INTS4: variants seen among roughly 807,000 people sequenced by gnomAD.
The protein encoded by INTS4 is MSTP093.
INTS4 carries 70 observed loss-of-function variants against 119.5 expected under a neutral mutation model. The observed-to-expected ratio is 0.59, with a 90% CI of 0.48 to 0.71. INTS4 has a LOEUF of 0.71. Ranked by LOEUF, INTS4 falls within the 30% of genes least tolerant of loss-of-function variation. The probability of loss-of-function intolerance (pLI) is 0.00; values close to 1 mark genes in which losing one functional copy is unlikely to be tolerated. For synonymous variants in INTS4, 316 were observed against 419.6 expected (o/e 0.75, Z 3.02); for missense variants, 867 against 1,173.2 (o/e 0.74, Z 3.81).
chr11:77,919,566 G>A lies in INTS4; in HGVS notation c.1765-588C>T, dbSNP rs180987519. Among the ~76,000 whole-genome samples, 624 of 152,312 alleles carry A rather than the reference G, an allele frequency of 4.1e-3. 2 individuals are homozygous for A. Among genetic ancestry groups the A allele is most frequent in the Non-Finnish European group, 7.4e-3 (500 of 68,024 alleles). ...CACCCAGAGTGCTGGGATTACAGGC[G>A]TGAGCCACTGCACCCGGCCACATTT... On this transcript the variant is annotated intron_variant, in intron 14 of 22. Transcript: ENST00000534064.
chr11:77,956,298 C>A (rs184823766), intron 7 of INTS4, among the ~76,000 whole-genome samples: 3 of 152,256 alleles, frequency 2.0e-5, no homozygotes, highest in Admixed American at 2.0e-4. Flanking sequence ...ATAGTCCCAG[C>A]TACTTGGGAG....
intron 22 of INTS4, among the ~76,000 whole-genome samples, chr11:77,880,940 CAAACAAAA>C (rs1030909653): frequency 2.6e-4 from 40 of 152,150 alleles, no homozygotes; most frequent in South Asian, 4.2e-4. Flanking sequence ...AACAAACAAA[CAAACAAAA>C]AAACAAAAAA....
chr11:77,954,212 G>A (rs1954263930), intron 8 of INTS4, among the ~76,000 whole-genome samples: 2 of 152,162 alleles, frequency 1.3e-5, no homozygotes, highest in African/African-American at 4.8e-5. Flanking sequence ...TTTTCTGTCT[G>A]TATAAGCTGG....
chr11:77,885,868 C>T (rs1299844149), intron 21 of INTS4, among the ~76,000 whole-genome samples: 2 of 151,762 alleles, frequency 1.3e-5, no homozygotes, highest in African/African-American at 4.8e-5. Flanking sequence ...GGGGCTGAAA[C>T]AGCAATGATC....
chr11:77,923,451 T>C lies in INTS4; in HGVS notation c.1515-980A>G, dbSNP rs1257595741. Among the ~76,000 whole-genome samples, 4 of 152,148 alleles carry C rather than the reference T, an allele frequency of 2.6e-5. No individual in the cohort carries two copies. The South Asian group carries it at 6.2e-4, about 24-fold the overall frequency. On this transcript the variant is annotated intron_variant, in intron 12 of 22. Coordinates refer to ENST00000534064, the MANE Select transcript of INTS4 (RefSeq NM_033547.4). ...AAAAACAGACTTATTGGCTAAGATA[T>C]TTTTAATCAGATTGTCTTTTTTATT...
chr11:77,929,012 CCT>C (rs1477169441), intron 10 of INTS4, among the ~76,000 whole-genome samples: 6 of 147,762 alleles, frequency 4.1e-5, no homozygotes, highest in Admixed American at 6.8e-5. Flanking sequence ...AGAGTGGGCC[CCT>C]GTCTCAAAAA....
Position 77,883,891 on chromosome 11 carries a change from G to A in INTS4, c.2654C>T (p.Pro885Leu), listed in dbSNP as rs1326534459. ...GATGAGCCGGTGCCGCCCTGGGCCA[G>A]GATTCCGGAAGTCTGCAGGCTTGGG... ...IHPKPADFRN[P>L]GPGRHRLITQ... Residue 885 changes from proline to leucine, a missense_variant, in exon 22 of 23, where the codon CCT becomes CTT. Transcript: ENST00000534064. 2 of 1,613,168 alleles carry A rather than the reference G, an allele frequency of 1.2e-6. No homozygotes were observed. Among genetic ancestry groups the A allele is most frequent in the Non-Finnish European group, 1.7e-6 (2 of 1,179,560 alleles).
At position 77,923,766 on chromosome 11, in the gene INTS4, G is replaced by GT. The variant is rs201749638; in HGVS notation, c.1514+983dup. 9.5e-3 allele frequency among the ~76,000 whole-genome samples: 1,297 copies of GT among 136,240 alleles called. 13 individuals are homozygous for GT. The highest frequency in any genetic ancestry group is 0.024 in the African/African-American group (876 of 36,808). The allele number at this position is 136,240 out of a possible 152,430, so 89.4% of individuals were successfully genotyped here. ...TTATATATTTTTATTATTGTTTATGGTTTTTTTTTTTTTTTTGAGACTGAG... is the reference window on the plus strand; with the variant it reads ...TTATATATTTTTATTATTGTTTATGGTTTTTTTTTTTTTTTTTGAGACTGAG... On this transcript the variant is annotated intron_variant, in intron 12 of 22. Transcript: ENST00000534064.
intron 5 of INTS4, 48 bp downstream of exon 5, chr11:77,960,905 A>C (rs751957174): frequency 1.3e-6 from 2 of 1,546,532 alleles, no homozygotes; most frequent in Admixed American, 3.9e-5. Flanking sequence ...TAAACTTAAA[A>C]AACAAAAATG....
intron 10 of INTS4, among the ~76,000 whole-genome samples, chr11:77,935,901 A>AC (rs2136513946): frequency 6.5e-5 from 1 of 15,412 alleles, no homozygotes; most frequent in Admixed American, 5.3e-4. Flanking sequence ...GTCTCAAAAA[A>AC]AAAAAAAAGA....
At chr11:77,874,835 G>A (rs552936285), downstream of INTS4, among the ~76,000 whole-genome samples, 9 of 152,190 alleles carry the variant, frequency 5.9e-5, no homozygotes, top group African/African-American at 1.9e-4. Flanking sequence ...TCAGCAGTTC[G>A]AGACCAGCCT....
At chr11:77,934,331 A>G (rs1266542337) in intron 10 of INTS4, among the ~76,000 whole-genome samples, 2 of 149,112 alleles carry the variant, frequency 1.3e-5, no homozygotes, top group African/African-American at 5.0e-5. Flanking sequence ...TCCCTCCACT[A>G]TTGTCCTATG....
chr11:77,891,659 C>T (rs373416187), intron 20 of INTS4, 22 bp downstream of exon 20: 110 of 1,611,088 alleles, frequency 6.8e-5, no homozygotes, highest in East Asian at 1.3e-4. Flanking sequence ...ATTTGGCCTA[C>T]AGGGGCCAAA....
At chr11:77,953,063 A>G (rs1279551739) in intron 8 of INTS4, among the ~76,000 whole-genome samples, 2 of 152,252 alleles carry the variant, frequency 1.3e-5, no homozygotes, top group African/African-American at 2.4e-5. Flanking sequence ...TCTACTATGC[A>G]CAAGAGTGGA....
At chr11:77,907,552 GTTAA>G (rs1328160865) in intron 16 of INTS4, among the ~76,000 whole-genome samples, 161 bp downstream of exon 16, 13 of 152,052 alleles carry the variant, frequency 8.5e-5, no homozygotes, top group East Asian at 1.9e-4. Flanking sequence ...TTAATATTTC[GTTAA>G]TTAGAGACAA....
At chr11:77,884,470 G>C (rs1408304425) in intron 21 of INTS4, among the ~76,000 whole-genome samples, 9 of 152,202 alleles carry the variant, frequency 5.9e-5, no homozygotes, top group Non-Finnish European at 8.8e-5. Context: ...AACTGCAACA[G>C]AGTTCTTTCC....
chr11:77,945,298 A>G (rs983734029), intron 8 of INTS4, among the ~76,000 whole-genome samples: 1 of 152,210 alleles, frequency 6.6e-6, no homozygotes, highest in Non-Finnish European at 1.5e-5. Flanking sequence ...CAGTCTGGAG[A>G]GTAGCCAAGA....
chr11:77,907,745 T>C lies in INTS4; in HGVS notation c.1988A>G (p.Tyr663Cys). The stretch of plus-strand genomic sequence containing the variant: ...GATGAGAAGTAGTTGACAGCGAAGA[T>C]AGGTGGCAGAGAAATCAGCTACTCC... ...LAGVADFSAT[Y>C]LRCQLLLIKA... is the part of the protein sequence containing the mutation. Residue 663 changes from tyrosine (Y) to cysteine (C), a missense_variant, in exon 16 of 23, where the codon TAT becomes TGT. Tyr to Cys is a radical substitution (Grantham distance 194, BLOSUM62 -2). This residue lies in a region of INTS4 where 262 missense variants were observed against 376.0 expected (regional missense o/e 0.70). Transcript: ENST00000534064. 6.2e-7 allele frequency: 1 copy of C among 1,613,802 alleles called. No homozygotes were observed.
At position 77,901,870 on chromosome 11, in the gene INTS4, T is replaced by A. The variant is rs577754091; in HGVS notation, c.2098-319A>T. 6.8e-4 allele frequency among the ~76,000 whole-genome samples: 104 copies of A among 151,902 alleles called. 2 individuals carry two copies. The East Asian group carries it at 0.019, about 27-fold the overall frequency. ...ACCCTAAATGAAGCCCACTCTGCTG[T>A]GGGAACAAATTAATATATATTATGT... On this transcript the variant is annotated intron_variant, in intron 17 of 22. Transcript: ENST00000534064.
Sources: allele counts gnomAD v4.1 joint callset (sites outside exome capture counted in the v4.1 genomes callset), GRCh38; gene constraint gnomAD v4.1.1; regional missense constraint gnomAD v4.1.1; transcripts MANE v1.5; gene names NCBI Gene and HGNC (gene_info 2026-07-23, HGNC 2026-07-21).